ITPK1: variants seen among roughly 807,000 people sequenced by gnomAD.
The protein encoded by ITPK1 is inositol-tetrakisphosphate 1-kinase, also known as inositol 1,3,4-trisphosphate 5/6-kinase.
Under a neutral mutation model 45.3 loss-of-function variants are expected in ITPK1, and 21 were observed. That is an observed-to-expected ratio of 0.46 (90% confidence interval 0.33 to 0.67). The LOEUF (loss-of-function observed/expected upper bound fraction) is 0.67, where lower values mean the gene tolerates loss of function less well. Ranked by LOEUF, ITPK1 falls within the 30% of genes least tolerant of loss-of-function variation. ITPK1 has a pLI of 0.02. For synonymous variants in ITPK1, 258 were observed against 253.6 expected, an observed-to-expected ratio of 1.02 and a Z score of -0.16; for missense variants, 474 against 573.5, an observed-to-expected ratio of 0.83 and a Z score of 1.77.
intron 2 of ITPK1, among the ~76,000 whole-genome samples, chr14:93,112,748 C>A (rs1892802298): frequency 2.0e-5 from 3 of 152,136 alleles, no homozygotes; most frequent in Admixed American, 2.0e-4. Flanking sequence ...CAAAGCAGGG[C>A]CATTTTCAAA....
chr14:92,982,330 C>T (rs1886276514), intron 5 of ITPK1, among the ~76,000 whole-genome samples: 1 of 152,170 alleles, frequency 6.6e-6, no homozygotes, highest in Admixed American at 6.5e-5. Context: ...GTCTGGGTAA[C>T]TCTTAGGGCA....
intron 2 of ITPK1, among the ~76,000 whole-genome samples, chr14:93,105,702 GTTTT>G (rs376342112): frequency 1.2e-4 from 15 of 127,766 alleles, no homozygotes; most frequent in African/African-American, 3.9e-4. Flanking sequence ...TTTTTGTGGG[GTTTT>G]TTTTTTTTTT....
chr14:92,987,707 C>T (rs1886560851), intron 5 of ITPK1, among the ~76,000 whole-genome samples: 2 of 152,192 alleles, frequency 1.3e-5, no homozygotes, highest in Non-Finnish European at 2.9e-5. Context: ...TCCACACCCC[C>T]CATCTGTAAA....
chr14:93,025,663 G>A (rs1233669080), intron 3 of ITPK1, among the ~76,000 whole-genome samples: 1 of 152,092 alleles, frequency 6.6e-6, no homozygotes, highest in Non-Finnish European at 1.5e-5. Flanking sequence ...TCATTAACTT[G>A]TCTTTCACCA....
At chr14:93,056,272 G>A (rs746111394) in intron 3 of ITPK1, among the ~76,000 whole-genome samples, 11 of 152,168 alleles carry the variant, frequency 7.2e-5, no homozygotes, top group Admixed American at 1.3e-4. Flanking sequence ...CAGGGAGGAC[G>A]GTGGCAAACA....
chr14:93,058,228 C>T (rs1048029719), intron 3 of ITPK1, among the ~76,000 whole-genome samples: 1 of 151,270 alleles, frequency 6.6e-6, no homozygotes, highest in African/African-American at 2.4e-5. Flanking sequence ...GGGGTGATGG[C>T]CACAGGGGCA....
At chr14:92,994,389 C>T (rs1886946651) in intron 4 of ITPK1, among the ~76,000 whole-genome samples, 1 of 152,130 alleles carries the variant, frequency 6.6e-6, no homozygotes, top group Non-Finnish European at 1.5e-5. Context: ...GGCCAGGAGT[C>T]ATCAGAGGGT....
intron 4 of ITPK1, among the ~76,000 whole-genome samples, chr14:92,994,313 TG>T (rs1479460447): frequency 6.6e-6 from 1 of 152,188 alleles, no homozygotes; most frequent in African/African-American, 2.4e-5. Context: ...CTGGCTCCTC[TG>T]GGAGTGGCGG....
chr14:92,957,733 T>C (rs929066442), intron 8 of ITPK1, among the ~76,000 whole-genome samples: 7 of 152,228 alleles, frequency 4.6e-5, no homozygotes, highest in Admixed American at 2.6e-4. Context: ...CTGGCAGCTA[T>C]GCAGGTAGCA....
At chr14:92,970,946 T>C (rs1320025543) in intron 5 of ITPK1, among the ~76,000 whole-genome samples, 4 of 152,172 alleles carry the variant, frequency 2.6e-5, no homozygotes, top group African/African-American at 9.7e-5. Context: ...ACAGCATCTT[T>C]TGAAAGTGGG....
intron 5 of ITPK1, among the ~76,000 whole-genome samples, chr14:92,990,743 G>A (rs772560198): frequency 4.6e-5 from 7 of 152,272 alleles, no homozygotes; most frequent in East Asian, 3.9e-4. Context: ...GGCCCTCCAC[G>A]GCTGATGCTC....
intron 4 of ITPK1, 105 bp from the exon 5 acceptor site, chr14:92,994,102 C>G: frequency 1.4e-6 from 1 of 731,830 alleles, no homozygotes; most frequent in Admixed American, 2.1e-5. Context: ...TATCCTCCAG[C>G]CCTAGCTTTG....
At chr14:93,113,977 G>C (rs913845637) in intron 2 of ITPK1, among the ~76,000 whole-genome samples, 1 of 152,218 alleles carries the variant, frequency 6.6e-6, no homozygotes, top group South Asian at 2.1e-4. Context: ...GCTCAGACCA[G>C]CCACGGGCCC....
At chr14:93,083,438 A>C (rs182450305) in intron 2 of ITPK1, among the ~76,000 whole-genome samples, 5 of 152,170 alleles carry the variant, frequency 3.3e-5, no homozygotes, top group African/African-American at 1.2e-4. Context: ...AGTGAAGTAC[A>C]TGAAATGGTG....
chr14:93,057,081 C>T (rs1022169813), intron 3 of ITPK1, among the ~76,000 whole-genome samples: 2 of 152,138 alleles, frequency 1.3e-5, no homozygotes, highest in Non-Finnish European at 2.9e-5. Context: ...CAAATGCCAC[C>T]CGGGAGACCA....
chr14:93,044,531 C>T (rs1889696663), intron 3 of ITPK1, among the ~76,000 whole-genome samples: 1 of 152,200 alleles, frequency 6.6e-6, no homozygotes, highest in South Asian at 2.1e-4. Flanking sequence ...CAGATGGAAA[C>T]TCTGGAACTC....
At position 93,028,913 on chromosome 14, in the gene ITPK1, T is replaced by G. The variant is rs1316548713; in HGVS notation, c.121-12112A>C. Among the ~76,000 whole-genome samples, 3 of 152,296 alleles carry G rather than the reference T, an allele frequency of 2.0e-5. No homozygotes were observed. The East Asian group carries it at 5.8e-4, about 29-fold the overall frequency. On this transcript the variant is annotated intron_variant, in intron 3 of 10. Coordinates refer to ENST00000267615, the MANE Select transcript of ITPK1 (RefSeq NM_014216.6). ...GGAGAACAGAGACGCTCAAGCTGAC[T>G]GAGCTTACGTGGCTGATGAGTTGCA...
intron 3 of ITPK1, among the ~76,000 whole-genome samples, chr14:93,018,434 G>A (rs1043729235): frequency 1.3e-5 from 2 of 151,864 alleles, no homozygotes; most frequent in Non-Finnish European, 2.9e-5. Context: ...ACTCCTCTCC[G>A]TTGCACCCCC....
chr14:92,988,145 C>T (rs1339110082), intron 5 of ITPK1, among the ~76,000 whole-genome samples: 3 of 152,238 alleles, frequency 2.0e-5, no homozygotes, highest in Non-Finnish European at 4.4e-5. Flanking sequence ...ACAAACCAAG[C>T]ACCTCCCCTG....
Sources: gnomAD v4.1 joint callset for allele counts (sites outside exome capture counted in the v4.1 genomes callset) on GRCh38, gnomAD v4.1.1 for gene constraint, MANE v1.5 for transcripts, NCBI Gene and HGNC (gene_info 2026-07-23, HGNC 2026-07-21) for gene names.